Variants in NACA observed in about 807,000 individuals in gnomAD.
NACA encodes nascent polypeptide associated complex subunit alpha, also known as nascent polypeptide-associated complex subunit alpha.
A neutral mutation model predicts 86.4 loss-of-function variants in NACA; 42 were observed. That is an observed-to-expected ratio of 0.49 (90% confidence interval 0.38 to 0.63). The LOEUF (loss-of-function observed/expected upper bound fraction) is 0.63, where lower values mean the gene tolerates loss of function less well. Among genes scored for constraint, NACA ranks in the 20% least tolerant of loss-of-function variants. The pLI, the probability that NACA is intolerant of heterozygous loss-of-function variation, is 0.00. For missense variants in NACA, 2,157 were observed against 2,483.6 expected (o/e 0.87, Z 2.80); for synonymous variants, 898 against 973.7 (o/e 0.92, Z 1.45).
In NACA at chr12:56,719,783, G is replaced by A; in HGVS notation, c.1747C>T (p.Pro583Ser). ...FQSTSSSPEI[P>S]LSPEATLAKK... Reference sequence around the variant, plus strand: ...GCTAGGGTGGCTTCAGGAGAAAGAGGTATCTCTGGAGAAGAGGATGTACTT... The same window carrying A: ...GCTAGGGTGGCTTCAGGAGAAAGAGATATCTCTGGAGAAGAGGATGTACTT... The change falls in exon 3 of 9, where the codon CCT (proline) becomes TCT (serine). Residue 583 changes from proline (P) to serine (S), a missense_variant. By Grantham distance (74) the Pro-to-Ser change is moderately conservative. Transcript: ENST00000454682. The A allele has an allele frequency of 6.2e-7, 1 of 1,613,888 alleles. No homozygotes were observed. The highest frequency in any genetic ancestry group is 8.5e-7 in the Non-Finnish European group (1 of 1,179,872).
Position 56,714,350 on chromosome 12 carries a change from T to C in NACA, c.5823+12A>G. 1 of 1,613,654 alleles carries C rather than the reference T, an allele frequency of 6.2e-7. No individual in the cohort carries two copies. The stretch of plus-strand genomic sequence containing the variant: ...TGCTTCATAAGATCCTGAAATCCTT[T>C]TCAAATCTTACCTTCCGTGCCTTCT... On this transcript the variant is annotated intron_variant, in intron 5 of 8. Coordinates refer to ENST00000454682, the MANE Select transcript of NACA (RefSeq NM_001365896.1).
At chr12:56,721,501 G>C (rs762419016) in intron 2 of NACA, 42 bp from the exon 3 acceptor site, 9 of 1,331,188 alleles carry the variant, frequency 6.8e-6, no homozygotes, top group Non-Finnish European at 8.1e-6. Flanking sequence ...GGGAGGGGGA[G>C]GAGAAAAAAG....
At position 56,719,727 on chromosome 12, in the gene NACA, T is replaced by C; in HGVS notation, c.1803A>G (p.Ile601Met). 1.2e-6 allele frequency: 2 copies of C among 1,613,934 alleles called. No individual in the cohort carries two copies. The highest frequency in any genetic ancestry group is 1.7e-6 in the Non-Finnish European group (2 of 1,179,872). Residue 601 changes from isoleucine (I) to methionine (M), a missense_variant, in exon 3 of 9, where the codon ATA becomes ATG. Ile to Met is a conservative substitution (Grantham distance 10). Transcript: ENST00000454682. ...AKKSLGEPLP[I>M]GKPASSMTSP... ...AGGTCATACTGCTGGCTGGCTTACC[T>C]ATAGGGAGAGGCTCCCCAAGGCTTT...
chr12:56,716,042 T>G lies in NACA; in HGVS notation c.5488A>C (p.Lys1830Gln), dbSNP rs757805680. Reference sequence around the variant, plus strand: ...TCCTCATCAGCAGGGGCAAGGGGTTTAGAGGGTGATTCCAACACCAGCCCA... The same window carrying G: ...TCCTCATCAGCAGGGGCAAGGGGTTGAGAGGGTGATTCCAACACCAGCCCA... ...SPGLVLESPS[K>Q]PLAPADEDEL... The change falls in exon 3 of 9, where the codon AAA becomes CAA. Residue 1830 changes from lysine (K) to glutamine (Q), a missense_variant. Transcript: ENST00000454682. 10 of 1,609,660 alleles carry G rather than the reference T, an allele frequency of 6.2e-6. 1 individual carries two copies. Among genetic ancestry groups the G allele is most frequent in the East Asian group, 4.5e-5 (2 of 44,838 alleles).
At chr12:56,715,151 G>T (rs985901390) in intron 3 of NACA, among the ~76,000 whole-genome samples, 9 of 152,160 alleles carry the variant, frequency 5.9e-5, no homozygotes, top group African/African-American at 2.2e-4. Flanking sequence ...TTTTAAACTG[G>T]GTTGGAGGAA....
chr12:56,715,932 T>G lies in NACA; in HGVS notation c.5598A>C (p.Lys1866Asn). 1 of 1,529,490 alleles carries G rather than the reference T, an allele frequency of 6.5e-7. No individual in the cohort carries two copies. Among genetic ancestry groups the G allele is most frequent in the Non-Finnish European group, 8.8e-7 (1 of 1,138,214 alleles). The allele number at this position is 1,529,490 out of a possible 1,614,324, so 94.7% of individuals were successfully genotyped here. A position where few individuals can be genotyped will look rare whatever the true frequency, so the allele number is the denominator to read the frequency against. The change falls in exon 3 of 9, where the codon AAA (lysine) becomes AAC (asparagine). Residue 1866 changes from lysine to asparagine, a missense_variant. Physicochemically the swap from Lys to Asn is moderately conservative, Grantham distance 94. Around this residue, in one of 8 missense-constraint regions of NACA, gnomAD observed 797 missense variants for 777.6 expected, o/e 1.02. Transcript: ENST00000454682. ...GGGTTGGGACAGGGATTCCAGCAGA[T>G]TTAGGGGTGGGCATGTTGACGAGGA... ...QSVLVNMPTP[K>N]SAGIPVPTPS...
chr12:56,714,333 A>G (rs771729008), intron 5 of NACA, 29 bp downstream of exon 5: 1 of 1,608,924 alleles, frequency 6.2e-7, no homozygotes, highest in East Asian at 2.2e-5. Context: ...GGTGCTTCAT[A>G]AGATCCTGAA....
At chr12:56,712,958 A>G in intron 7 of NACA, 50 bp from the exon 8 acceptor site, 1 of 1,613,138 alleles carries the variant, frequency 6.2e-7, no homozygotes, top group Non-Finnish European at 8.5e-7. Context: ...GAACAATTTC[A>G]GCAGTTCTTT....
Position 56,720,242 on chromosome 12 carries a change from G to C in NACA, c.1288C>G (p.Gln430Glu). The C allele has an allele frequency of 6.2e-7, 1 of 1,613,904 alleles. No individual in the cohort carries two copies. Among genetic ancestry groups the C allele is most frequent in the East Asian group, 2.2e-5 (1 of 44,882 alleles). ...NATYHYPLVA[Q>E]MPVSSVGTTP... ...GTTCCAACAGAAGAAACGGGCATTT[G>C]GGCCACTAAAGGATAATGATAAGTG... Residue 430 changes from glutamine to glutamate, a missense_variant, in exon 3 of 9, where the codon CAA (glutamine) becomes GAA (glutamate). Transcript: ENST00000454682.
chr12:56,717,837 A>C lies in NACA; in HGVS notation c.3693T>G (p.Gly1231=), dbSNP rs757590330. The C allele has an allele frequency of 9.8e-7, 1 of 1,020,416 alleles. No individual in the cohort carries two copies. The allele number at this position is 1,020,416 out of a possible 1,614,324, so 63.2% of individuals were successfully genotyped here. A position where few individuals can be genotyped will look rare whatever the true frequency, so the allele number is the denominator to read the frequency against. ...PAATPPSPKG[G]LATPSPKGAP... is the part of the protein sequence containing the mutation. Reference sequence around the variant, plus strand: ...CCCCTTTGGGGGATGGGGTAGCCAGACCTCCTTTTGGGGAGGGAGGAGTTG... The same window carrying C: ...CCCCTTTGGGGGATGGGGTAGCCAGCCCTCCTTTTGGGGAGGGAGGAGTTG... The change falls in exon 3 of 9, where the codon GGT becomes GGG. Residue 1231 remains glycine, a synonymous_variant. Transcript: ENST00000454682.
rs1335765356 is a variant in NACA, at chr12:56,720,296, A to C, written c.1234T>G (p.Ser412Ala). Residue 412 changes from serine to alanine, a missense_variant, in exon 3 of 9, where the codon TCT becomes GCT. Physicochemically the swap from Ser to Ala is moderately conservative, Grantham distance 99. Around this residue, in one of 8 missense-constraint regions of NACA, gnomAD observed 947 missense variants for 917.9 expected, o/e 1.03. Coordinates refer to ENST00000454682, the MANE Select transcript of NACA (RefSeq NM_001365896.1). ...ATSFSLSPTT[S>A]LILKSSPNAT... ...TTAGGAGAGCTTTTGAGAATGAGAG[A>C]GGTTGTAGGAGATAATGAAAAAGAG... The C allele has an allele frequency of 1.9e-6, 3 of 1,613,798 alleles. No homozygotes were observed. The highest frequency in any genetic ancestry group is 2.5e-6 in the Non-Finnish European group (3 of 1,179,808).
intron 2 of NACA, among the ~76,000 whole-genome samples, chr12:56,723,380 T>TA (rs375889518): frequency 2.2e-4 from 33 of 152,368 alleles, no homozygotes; most frequent in African/African-American, 7.7e-4. Flanking sequence ...TTTGTAAAAT[T>TA]AAGTTGTTCA....
Position 56,719,308 on chromosome 12 carries a change from G to A in NACA, c.2222C>T (p.Pro741Leu), listed in dbSNP as rs1370304098. 1.2e-6 allele frequency: 2 copies of A among 1,601,576 alleles called. No individual in the cohort carries two copies. The highest frequency in any genetic ancestry group is 1.3e-5 in the African/African-American group (1 of 74,842). Reference protein sequence around the residue: ...PKSVPSPSLPPAGTPPGTKKV... With the variant: ...PKSVPSPSLPLAGTPPGTKKV... Reference sequence around the variant, plus strand: ...TTTTGTACCTGGAGGAGTCCCAGCTGGGGGAAGAGAGGGTGAGGGCACAGA... The same window carrying A: ...TTTTGTACCTGGAGGAGTCCCAGCTAGGGGAAGAGAGGGTGAGGGCACAGA... Residue 741 changes from proline (P) to leucine (L), a missense_variant, in exon 3 of 9, where the codon CCA becomes CTA. Physicochemically the swap from Pro to Leu is moderately conservative, Grantham distance 98. Transcript: ENST00000454682.
intron 2 of NACA, 119 bp from the exon 3 acceptor site, chr12:56,721,578 G>C (rs996951746): frequency 2.9e-5 from 18 of 613,208 alleles, no homozygotes; most frequent in Non-Finnish European, 4.6e-5. Context: ...AAATCTGACA[G>C]TCTAAGTCAC....
intron 5 of NACA, 145 bp downstream of exon 5, chr12:56,714,217 G>T: frequency 1.4e-6 from 1 of 725,570 alleles, no homozygotes; most frequent in Non-Finnish European, 2.3e-6. Context: ...TGGGTGACAG[G>T]TGCACCAAAA....
Position 56,717,340 on chromosome 12 carries a change from G to C in NACA, c.4190C>G (p.Ser1397Cys). ...TGGGGAAGTGGGGTCCCCTTTGGGA[G>C]ATGGGATAGCTGGTCCTCTTTTGGG... ...PSPKRGPAIP[S>C]PKGDPTSPAV... The change falls in exon 3 of 9, where the codon TCT becomes TGT. Residue 1397 changes from serine to cysteine, a missense_variant. Physicochemically the swap from Ser to Cys is moderately radical, Grantham distance 112. Coordinates refer to ENST00000454682, the MANE Select transcript of NACA (RefSeq NM_001365896.1). 7.3e-7 allele frequency: 1 copy of C among 1,361,544 alleles called. No individual in the cohort carries two copies. Among genetic ancestry groups the C allele is most frequent in the Non-Finnish European group, 9.7e-7 (1 of 1,032,854 alleles). The allele number at this position is 1,361,544 out of a possible 1,614,324, so 84.3% of individuals were successfully genotyped here.
intron 2 of NACA, among the ~76,000 whole-genome samples, chr12:56,722,583 G>A (rs1953602368): frequency 2.6e-5 from 4 of 152,308 alleles, no homozygotes; most frequent in East Asian, 1.9e-4. Flanking sequence ...AGCTACTCAG[G>A]AGGCAGAGGC....
rs756890334 is a variant in NACA at position 56,717,683 on chromosome 12, G to T, written c.3847C>A (p.His1283Asn). Residue 1283 changes from histidine to asparagine, a missense_variant, in exon 3 of 9, where the codon CAC (histidine) becomes AAC (asparagine). By Grantham distance (68) the His-to-Asn change is moderately conservative (BLOSUM62 1). Transcript: ENST00000454682. ...ACTGCGGGATTGGGGGCCCCTTTGTGGGGTGGGGTAGCTAGACCTCCTTTT... is the reference window on the plus strand; with the variant it reads ...ACTGCGGGATTGGGGGCCCCTTTGTTGGGTGGGGTAGCTAGACCTCCTTTT... ...SLKGGLATPP[H>N]KGAPNPAVVT... 4 of 1,177,454 alleles carry T rather than the reference G, an allele frequency of 3.4e-6. No homozygotes were observed. Among genetic ancestry groups the T allele is most frequent in the African/African-American group, 1.6e-5 (1 of 60,812 alleles). 72.9% of individuals were successfully genotyped at this position (1,177,454 alleles called of 1,614,324 possible).
At position 56,718,581 on chromosome 12, in the gene NACA, T is replaced by C. The variant is rs754295164; in HGVS notation, c.2949A>G (p.Lys983=). Residue 983 remains lysine, a synonymous_variant, in exon 3 of 9, where the codon AAA becomes AAG. Coordinates refer to ENST00000454682, the MANE Select transcript of NACA (RefSeq NM_001365896.1). The part of the protein sequence containing the change: ...PKGGPATPSP[K]GAPTPPAATP... ...TTGCAGCTGGGGGTGTGGGGGCCCC[T>C]TTGGGGGATGGAGTAGCTGGACCTC... is the stretch of plus-strand genomic sequence containing the variant. 4.2e-5 allele frequency: 52 copies of C among 1,249,438 alleles called. No individual in the cohort carries two copies. Among genetic ancestry groups the C allele is most frequent in the Non-Finnish European group, 5.2e-5 (51 of 981,338 alleles). The allele number at this position is 1,249,438 out of a possible 1,614,324, so 77.4% of individuals were successfully genotyped here.
Sources: allele counts gnomAD v4.1 joint callset (sites outside exome capture counted in the v4.1 genomes callset), GRCh38; gene constraint gnomAD v4.1.1; regional missense constraint gnomAD v4.1.1; transcripts MANE v1.5; gene names NCBI Gene and HGNC (gene_info 2026-07-23, HGNC 2026-07-21).